The following CAST variants were observed in gnomAD, a reference collection of about 807,000 sequenced individuals.
The protein encoded by CAST is calpastatin.
In CAST, 76 loss-of-function variants were observed where a neutral mutation model predicts 119.6. The ratio of observed to expected loss-of-function variants is 0.64; its 90% confidence interval spans 0.53 to 0.77. The LOEUF (loss-of-function observed/expected upper bound fraction) is 0.77, where lower values mean the gene tolerates loss of function less well. Ranked by LOEUF, CAST falls within the 30% of genes least tolerant of loss-of-function variation. The pLI is 0.00. For missense variants in CAST, 953 were observed against 946.5 expected (o/e 1.01, Z -0.09); for synonymous variants, 319 against 331.6 (o/e 0.96, Z 0.41).
chr5:96,554,082 A>G (rs1490866319), intron 1 of CAST, among the ~76,000 whole-genome samples: 2 of 152,352 alleles, frequency 1.3e-5, no homozygotes, highest in African/African-American at 4.8e-5. Context: ...AACAAGAAAG[A>G]GCCTGCATAG....
chr5:96,264,015 G>A, the CAST span, among the ~76,000 whole-genome samples: 2 of 152,338 alleles, frequency 1.3e-5, no homozygotes, highest in South Asian at 4.1e-4. Flanking sequence ...AATTCAAAAT[G>A]AGATTTGGGT....
chr5:96,354,955 C>T, the CAST span, among the ~76,000 whole-genome samples: 3 of 151,600 alleles, frequency 2.0e-5, no homozygotes, highest in Admixed American at 6.6e-5. Flanking sequence ...ATATTTTGGT[C>T]AGTACAGATT....
intron 11 of CAST, 26 bp from the exon 12 acceptor site, chr5:96,740,012 T>A: frequency 9.2e-7 from 1 of 1,089,042 alleles, no homozygotes; most frequent in Non-Finnish European, 1.4e-6. Context: ...TTATATAATA[T>A]CCCTATGTGT....
At chr5:96,265,496 A>G in the CAST span, among the ~76,000 whole-genome samples, 1 of 152,134 alleles carries the variant, frequency 6.6e-6, no homozygotes, top group Non-Finnish European at 1.5e-5. Flanking sequence ...CAGGAGCTCC[A>G]ATGTCTGAGA....
chr5:96,702,489 G>A (rs1183155265), intron 3 of CAST, among the ~76,000 whole-genome samples: 1 of 152,204 alleles, frequency 6.6e-6, no homozygotes, highest in Non-Finnish European at 1.5e-5. Context: ...CCACTTTATA[G>A]TTTCAAAAGA....
At chr5:96,078,764 G>C in the CAST span, among the ~76,000 whole-genome samples, 1 of 152,150 alleles carries the variant, frequency 6.6e-6, no homozygotes. Flanking sequence ...TATGTGTTGA[G>C]ATTTAAGAAT....
At chr5:96,481,935 A>G in the CAST span, among the ~76,000 whole-genome samples, 1 of 152,174 alleles carries the variant, frequency 6.6e-6, no homozygotes, top group Admixed American at 6.5e-5. Flanking sequence ...TCCCTTGACA[A>G]CTTAAAAAAA....
At chr5:96,369,145 A>T in the CAST span, among the ~76,000 whole-genome samples, 1 of 150,854 alleles carries the variant, frequency 6.6e-6, no homozygotes. Flanking sequence ...TATATATTTT[A>T]TATATTTTTT....
the CAST span, among the ~76,000 whole-genome samples, chr5:96,231,488 A>G: frequency 6.6e-6 from 1 of 152,200 alleles, no homozygotes; most frequent in East Asian, 1.9e-4. Context: ...AGAAGGGGAG[A>G]AAAGAATAGA....
At chr5:96,371,363 A>AT in the CAST span, among the ~76,000 whole-genome samples, 1 of 152,216 alleles carries the variant, frequency 6.6e-6, no homozygotes, top group Non-Finnish European at 1.5e-5. Flanking sequence ...GTGATAGCCC[A>AT]TGGGGGAGGA....
the CAST span, among the ~76,000 whole-genome samples, chr5:96,244,893 C>T: frequency 6.6e-6 from 1 of 151,926 alleles, no homozygotes; most frequent in Non-Finnish European, 1.5e-5. Flanking sequence ...GTAAATATAG[C>T]CTTAGGGGAT....
At chr5:96,151,986 T>C in the CAST span, among the ~76,000 whole-genome samples, 1 of 152,156 alleles carries the variant, frequency 6.6e-6, no homozygotes, top group East Asian at 1.9e-4. Flanking sequence ...TGACACTAGT[T>C]CCCTTTTGTG....
At chr5:96,676,222 T>G (rs1209024199) in intron 2 of CAST, among the ~76,000 whole-genome samples, 2 of 152,224 alleles carry the variant, frequency 1.3e-5, no homozygotes, top group African/African-American at 2.4e-5. Flanking sequence ...GGATTTGCCT[T>G]CCTTTACCTG....
At position 96,727,525 on chromosome 5, in the gene CAST, A is replaced by G. The variant is rs774493576; in HGVS notation, c.373A>G (p.Thr125Ala). Residue 125 changes from threonine to alanine, a missense_variant, in exon 6 of 32, where the codon ACC becomes GCC. Physicochemically the swap from Thr to Ala is moderately conservative, Grantham distance 58 (BLOSUM62 0). Transcript: ENST00000675179. ...AGAACCTGAGAAGAAGTCACAGTCA[A>G]CCAAGGTAAATAGTTTAAGTCTGTT... ...KTEPEKKSQS[T>A]KLSVVHEKKS... 2 of 1,559,382 alleles carry G rather than the reference A, an allele frequency of 1.3e-6. No individual in the cohort carries two copies. Among genetic ancestry groups the G allele is most frequent in the Admixed American group, 1.8e-5 (1 of 55,288 alleles).
At chr5:96,546,848 A>G (rs1746028994) in intron 1 of CAST, among the ~76,000 whole-genome samples, 1 of 152,144 alleles carries the variant, frequency 6.6e-6, no homozygotes, top group Admixed American at 6.5e-5. Context: ...ATCATATTCA[A>G]TTAACATAGT....
chr5:96,543,456 G>C (rs1745953762), intron 1 of CAST, among the ~76,000 whole-genome samples: 1 of 152,104 alleles, frequency 6.6e-6, no homozygotes, highest in Non-Finnish European at 1.5e-5. Context: ...TAGATGATGG[G>C]TTGATGGATG....
chr5:96,431,680 T>C, the CAST span, among the ~76,000 whole-genome samples: 1 of 152,184 alleles, frequency 6.6e-6, no homozygotes, highest in Non-Finnish European at 1.5e-5. Context: ...ATTTGGTTTA[T>C]AAAGTTGAGA....
At chr5:96,050,497 A>G in the CAST span, among the ~76,000 whole-genome samples, 1 of 152,196 alleles carries the variant, frequency 6.6e-6, no homozygotes, top group Non-Finnish European at 1.5e-5. Context: ...AAAAACAGAT[A>G]AAAGTGTGGG....
chr5:96,215,830 CAG>C, the CAST span, among the ~76,000 whole-genome samples: 10 of 152,066 alleles, frequency 6.6e-5, no homozygotes, highest in African/African-American at 9.7e-5. Context: ...TTCGTTGAGA[CAG>C]AGTCTTGCTC....
Sources: allele counts gnomAD v4.1 joint callset (sites outside exome capture counted in the v4.1 genomes callset), GRCh38; gene constraint gnomAD v4.1.1; transcripts MANE v1.5; gene names NCBI Gene and HGNC (gene_info 2026-07-23, HGNC 2026-07-21).